ASB14: variants seen among roughly 807,000 people sequenced by gnomAD.
ASB14 encodes ankyrin repeat and SOCS box containing 14, also known as ankyrin repeat and SOCS box protein 14.
In ASB14, 63 loss-of-function variants were observed where a neutral mutation model predicts 55.6. That is an observed-to-expected ratio of 1.13 (90% CI 0.92 to 1.40). The LOEUF is 1.40. ASB14 is among the 40% of genes most tolerant of loss of function. The probability of loss-of-function intolerance (pLI) is 0.00; values close to 1 mark genes in which losing one functional copy is unlikely to be tolerated. For missense variants in ASB14, 724 were observed against 710.4 expected, an observed-to-expected ratio of 1.02 and a Z score of -0.22; for synonymous variants, 256 against 259.9, an observed-to-expected ratio of 0.98 and a Z score of 0.15.
chr3:57,287,478 C>G (rs2107628622), intron 5 of ASB14, among the ~76,000 whole-genome samples: 1 of 152,288 alleles, frequency 6.6e-6, no homozygotes, highest in South Asian at 2.1e-4. Flanking sequence ...GGTCCAGAGA[C>G]TCTCTGTTTA....
At chr3:57,279,091 A>G in intron 7 of ASB14, 171 bp from the exon 8 acceptor site, 1 of 637,542 alleles carries the variant, frequency 1.6e-6, no homozygotes. Flanking sequence ...GATACCAAGT[A>G]AAATTGAATG....
chr3:57,287,688 G>A (rs990418882), intron 5 of ASB14, among the ~76,000 whole-genome samples: 1 of 152,108 alleles, frequency 6.6e-6, no homozygotes, highest in Non-Finnish European at 1.5e-5. Context: ...GGTACCATGC[G>A]AAATGAGCTG....
At chr3:57,290,809 A>G (rs2061122624) in intron 2 of ASB14, among the ~76,000 whole-genome samples, 2 of 152,244 alleles carry the variant, frequency 1.3e-5, no homozygotes, top group African/African-American at 4.8e-5. Flanking sequence ...TTTTAATCAT[A>G]AGGTTAATAT....
In ASB14 at chr3:57,280,361, G is replaced by A; in HGVS notation, c.828C>T (p.Asn276=). The A allele has an allele frequency of 6.4e-7, 1 of 1,551,274 alleles. No individual in the cohort carries two copies. The highest frequency in any genetic ancestry group is 1.2e-5 in the South Asian group (1 of 84,024). Reference sequence around the variant, plus strand: ...GCAGGTGGCCTGAATTCTTAGGGATGTTGGCATCAGCTCCATACTCCAGCA... The same window carrying A: ...GCAGGTGGCCTGAATTCTTAGGGATATTGGCATCAGCTCCATACTCCAGCA... ...ALLLEYGADA[N]IPKNSGHLPI... The change falls in exon 7 of 11, where the codon AAC becomes AAT. Residue 276 remains asparagine (N), a synonymous_variant. Transcript: ENST00000487349.
intron 5 of ASB14, among the ~76,000 whole-genome samples, chr3:57,287,697 T>C (rs970788878): frequency 6.6e-6 from 1 of 152,208 alleles, no homozygotes; most frequent in African/African-American, 2.4e-5. Flanking sequence ...CGAAATGAGC[T>C]GCTCTTAACT....
chr3:57,283,813 A>C (rs574603549), intron 5 of ASB14, among the ~76,000 whole-genome samples: 1 of 147,492 alleles, frequency 6.8e-6, no homozygotes, highest in Non-Finnish European at 1.5e-5. Flanking sequence ...AAGACAGCCC[A>C]GACTCTGAAA....
intron 10 of ASB14, chr3:57,270,032 A>G (rs1310795636): frequency 1.2e-5 from 2 of 167,620 alleles, no homozygotes; most frequent in African/African-American, 2.4e-5. Context: ...GAAATCATTT[A>G]TTCTTCAGGC....
intron 5 of ASB14, 104 bp downstream of exon 5, chr3:57,287,797 G>C (rs548863930): frequency 8.0e-7 from 1 of 1,253,914 alleles, no homozygotes; most frequent in Admixed American, 2.3e-5. Flanking sequence ...GTTGGGAACA[G>C]AGTGACAGTG....
rs2087589680 is a variant in ASB14, at chr3:57,269,807, G to A, written c.*23-189C>T. 5 of 1,147,554 alleles carry A rather than the reference G, an allele frequency of 4.4e-6. No individual in the cohort carries two copies. The East Asian group carries it at 7.3e-5, about 17-fold the overall frequency. 71.1% of individuals were successfully genotyped at this position (1,147,554 alleles called of 1,614,324 possible). A position where few individuals can be genotyped will look rare whatever the true frequency, so the allele number is the denominator to read the frequency against. On this transcript the variant is annotated intron_variant, in intron 10 of 10. Transcript: ENST00000487349. ...GATTAAGCTTTATATTTGCTTATTT[G>A]TTGTAGCTACATTTTAAAAAAAAGA...
At chr3:57,272,130 A>G (rs1478161448) in intron 10 of ASB14, 4 of 151,720 alleles carry the variant, frequency 2.6e-5, no homozygotes, top group Non-Finnish European at 1.5e-5. Flanking sequence ...AATCAACAAA[A>G]CTCCTTTTTA....
rs1289500322 is a variant in ASB14, at chr3:57,278,796, A to T, written c.1012T>A (p.Phe338Ile). 1.2e-6 allele frequency: 2 copies of T among 1,613,402 alleles called. No individual in the cohort carries two copies. The highest frequency in any genetic ancestry group is 1.7e-5 in the Admixed American group (1 of 59,924). The stretch of plus-strand genomic sequence containing the variant: ...TGATCCAGCATGAAGTTCACATCAA[A>T]TCCAGCCTGGATGAGGAGTTCCAGG... The part of the protein sequence containing the change: ...QCLELLIQAG[F>I]DVNFMLDQRI... The change falls in exon 8 of 11, where the codon TTT becomes ATT. Residue 338 changes from phenylalanine to isoleucine, a missense_variant. Transcript: ENST00000487349.
intron 6 of ASB14, among the ~76,000 whole-genome samples, chr3:57,280,873 T>C (rs910264006): frequency 2.0e-5 from 3 of 152,194 alleles, no homozygotes; most frequent in Admixed American, 6.5e-5. Flanking sequence ...CTAATGATAC[T>C]GTTTTGGTGG....
intron 3 of ASB14, among the ~76,000 whole-genome samples, 170 bp from the exon 4 acceptor site, chr3:57,288,456 C>G (rs907135722): frequency 6.6e-6 from 1 of 152,168 alleles, no homozygotes; most frequent in South Asian, 2.1e-4. Flanking sequence ...GGTCATGTAG[C>G]GTTCCGCACC....
chr3:57,278,904 T>A lies in ASB14; in HGVS notation c.904A>T (p.Ile302Phe). 6.2e-7 allele frequency: 1 copy of A among 1,613,392 alleles called. No individual in the cohort carries two copies. The highest frequency in any genetic ancestry group is 1.3e-5 in the African/African-American group (1 of 75,000). The change falls in exon 8 of 11, where the codon ATT (isoleucine) becomes TTT (phenylalanine). Residue 302 changes from isoleucine to phenylalanine, a missense_variant. Transcript: ENST00000487349. ...ATGGCAGCAAGATCCGTAACTGGAA[T>A]CAGTATCTTTAGAGCTCTGAGAAAG... Reference protein sequence around the residue: ...RGHLLALKILIPVTDLAAIKQ... With the variant: ...RGHLLALKILFPVTDLAAIKQ...
rs761976326 is a variant in ASB14, at chr3:57,278,487, GCA to G, written c.1319_1320del (p.Leu440ProfsTer6). 1 of 1,614,160 alleles carries G rather than the reference GCA, an allele frequency of 6.2e-7. No homozygotes were observed. The highest frequency in any genetic ancestry group is 8.5e-7 in the Non-Finnish European group (1 of 1,180,000). ...CGCTCTGTGTCATACCCATAGTTCA[GCA>G]GCATCCTGAGCATGACTTCATCTTT... ...TLKDEVMLRMLLNYGYDTERC... is the reference protein window; with the variant it reads ...TLKDEVMLRMXLNYGYDTERC... On this transcript the variant is annotated frameshift_variant, in exon 8 of 11. Transcript: ENST00000487349. LOFTEE classifies it high-confidence loss of function.
At chr3:57,280,243 C>A in intron 7 of ASB14, 59 bp downstream of exon 7, 2 of 1,124,292 alleles carry the variant, frequency 1.8e-6, no homozygotes, top group Admixed American at 2.8e-5. Flanking sequence ...AGAAGCAGCA[C>A]AAAATAAAAG....
chr3:57,277,497 C>G (rs1239792767), intron 9 of ASB14, among the ~76,000 whole-genome samples: 1 of 152,046 alleles, frequency 6.6e-6, no homozygotes. Context: ...TTCCGGTGTC[C>G]ATGGTGTTGT....
intron 7 of ASB14, 177 bp from the exon 8 acceptor site, chr3:57,279,097 G>A: frequency 1.6e-6 from 1 of 624,502 alleles, no homozygotes; most frequent in East Asian, 2.8e-5. Context: ...AAGTAAAATT[G>A]AATGGAATTA....
rs775496112 is a variant in ASB14 at position 57,291,934 on chromosome 3, G to A, written c.100C>T (p.Gln34Ter). Reference protein sequence around the residue: ...LQDIYKPGTAQHAPKDESLHS... With the variant: ...LQDIYKPGTA Reference sequence around the variant, plus strand: ...TACCTCTCATCCTTAGGTGCATGTTGTGCTGTTCCTGGCTTATAAATATCC... The same window carrying A: ...TACCTCTCATCCTTAGGTGCATGTTATGCTGTTCCTGGCTTATAAATATCC... Residue 34 changes from glutamine (Q) to a stop codon, truncating the protein, a stop_gained, in exon 2 of 11, where the codon CAA (glutamine) becomes TAA (stop). Coordinates refer to ENST00000487349, the MANE Select transcript of ASB14 (RefSeq NM_001142733.3). LOFTEE classifies it high-confidence loss of function. The A allele has an allele frequency of 2.9e-5, 44 of 1,536,182 alleles. No homozygotes were observed. The South Asian group carries it at 4.0e-4, about 14-fold the overall frequency.
Sources: allele counts gnomAD v4.1 joint callset (sites outside exome capture counted in the v4.1 genomes callset), GRCh38; gene constraint gnomAD v4.1.1; transcripts MANE v1.5; gene names NCBI Gene and HGNC (gene_info 2026-07-23, HGNC 2026-07-21).